Variants in C5orf58 observed in about 807,000 individuals in gnomAD.
C5orf58 encodes the protein putative uncharacterized protein C5orf58.
In C5orf58, 2 loss-of-function variants were observed where a neutral mutation model predicts 2.9. The observed-to-expected ratio is 0.69, with a 90% confidence interval of 0.28 to 2.18. C5orf58 has a LOEUF of 2.18. C5orf58 is among the 30% of genes most tolerant of loss of function. C5orf58 has a pLI of 0.13. For synonymous variants in C5orf58, 37 were observed against 33.4 expected (o/e 1.11, Z -0.37); for missense variants, 96 against 91.7 (o/e 1.05, Z -0.19).
At chr5:170,242,836 C>CTCTT (rs1290295831) in intron 3 of C5orf58, among the ~76,000 whole-genome samples, 1 of 151,490 alleles carries the variant, frequency 6.6e-6, no homozygotes, top group Non-Finnish European at 1.5e-5. Context: ...AACATGTTTG[C>CTCTT]TCTTGCTTTT....
chr5:170,247,756 A>G (rs1317802527), downstream of C5orf58: 1 of 152,196 alleles, frequency 6.6e-6, no homozygotes, highest in Non-Finnish European at 1.5e-5. Flanking sequence ...GCCATATCTA[A>G]TAGGAAAGTC....
At chr5:170,241,687 TG>T (rs1359182169) in intron 3 of C5orf58, among the ~76,000 whole-genome samples, 1 of 147,920 alleles carries the variant, frequency 6.8e-6, no homozygotes, top group Non-Finnish European at 1.5e-5. Flanking sequence ...GCTGAGACGA[TG>T]GGGTTTTCTA....
At chr5:170,236,684 T>C (rs1760755696) in intron 3 of C5orf58, among the ~76,000 whole-genome samples, 1 of 152,208 alleles carries the variant, frequency 6.6e-6, no homozygotes, top group South Asian at 2.1e-4. Context: ...TACTGAACTA[T>C]TTGCATATCT....
In C5orf58 at chr5:170,244,853, G is replaced by A. The variant is rs566298775; in HGVS notation, c.95-1109G>A. Among the ~76,000 whole-genome samples, 341 of 152,212 alleles carry A rather than the reference G, an allele frequency of 2.2e-3. 3 individuals carry two copies. Among genetic ancestry groups the A allele is most frequent in the African/African-American group, 7.6e-3 (317 of 41,496 alleles). Reference sequence around the variant, plus strand: ...TGTGTTCCTTTGGAGGAGGAGAGGCGCTCTGCGTTTTAGAGTTTCCAGTTT... The same window carrying A: ...TGTGTTCCTTTGGAGGAGGAGAGGCACTCTGCGTTTTAGAGTTTCCAGTTT... On this transcript the variant is annotated intron_variant, in intron 3 of 3. Transcript: ENST00000593851.
chr5:170,252,417 A>T (rs1249881105), downstream of C5orf58: 2 of 1,456,340 alleles, frequency 1.4e-6, no homozygotes, highest in Non-Finnish European at 1.9e-6. Flanking sequence ...ATGTTAAAAT[A>T]AACTATAGCA....
At chr5:170,235,816 C>T (rs925126879) in intron 3 of C5orf58, among the ~76,000 whole-genome samples, 1 of 152,024 alleles carries the variant, frequency 6.6e-6, no homozygotes, top group Admixed American at 6.5e-5. Flanking sequence ...GTTATGAGGC[C>T]TACATCTATA....
At chr5:170,248,697 C>G, downstream of C5orf58, 1 of 1,611,844 alleles carries the variant, frequency 6.2e-7, no homozygotes, top group Non-Finnish European at 8.5e-7. Flanking sequence ...CTATAACTTG[C>G]TATGGGTACC....
At chr5:170,234,243 C>G in intron 2 of C5orf58, 45 bp downstream of exon 2, 1 of 1,186,128 alleles carries the variant, frequency 8.4e-7, no homozygotes, top group Non-Finnish European at 1.2e-6. Flanking sequence ...TGACCCATGA[C>G]TGCCCACCTT....
Position 170,246,077 on chromosome 5 carries a change from A to G in C5orf58, c.210A>G (p.Ser70=), listed in dbSNP as rs1161896135. 18 of 1,612,984 alleles carry G rather than the reference A, an allele frequency of 1.1e-5. No individual in the cohort carries two copies. Among genetic ancestry groups the G allele is most frequent in the Non-Finnish European group, 1.4e-5 (17 of 1,179,324 alleles). ...NNPLFEESKI[S]DVSLVSNSFS... is the part of the protein sequence containing the mutation. ...CCCTCTTTGAAGAGTCTAAAATATC[A>G]GATGTATCCCTTGTTTCTAACAGTT... is the stretch of plus-strand genomic sequence containing the variant. Residue 70 remains serine (S), a synonymous_variant, in exon 4 of 4, where the codon TCA becomes TCG. Coordinates refer to ENST00000593851, the MANE Select transcript of C5orf58 (RefSeq NM_001102609.3).
downstream of C5orf58, chr5:170,246,405 T>G (rs1024706158): frequency 4.7e-6 from 1 of 214,032 alleles, no homozygotes; most frequent in Non-Finnish European, 9.4e-6. Flanking sequence ...TGGAATGAGT[T>G]TTTATTAATC....
In C5orf58 at chr5:170,235,019, A is replaced by G; in HGVS notation, c.43A>G (p.Lys15Glu). ...TACTGATCATAAGCTAAATGTGGAC[A>G]AAGTAATTAAAAATATTAACACAAT... ...RVTDHKLNVD[K>E]VIKNINTISS... The change falls in exon 3 of 4, where the codon AAA becomes GAA. Residue 15 changes from lysine (K) to glutamate (E), a missense_variant. Coordinates refer to ENST00000593851, the MANE Select transcript of C5orf58 (RefSeq NM_001102609.3). 1.3e-6 allele frequency: 2 copies of G among 1,551,098 alleles called. No homozygotes were observed. The highest frequency in any genetic ancestry group is 1.8e-6 in the Non-Finnish European group (2 of 1,132,286).
At chr5:170,238,470 G>A (rs1475821920) in intron 3 of C5orf58, among the ~76,000 whole-genome samples, 3 of 152,130 alleles carry the variant, frequency 2.0e-5, no homozygotes, top group African/African-American at 7.2e-5. Context: ...GTAAGTGAAG[G>A]AAGTCCAACA....
chr5:170,241,908 G>C (rs1474276407), intron 3 of C5orf58, among the ~76,000 whole-genome samples: 4 of 151,540 alleles, frequency 2.6e-5, no homozygotes, highest in Admixed American at 2.6e-4. Context: ...GATATTGGCT[G>C]TGGGTTTGTC....
At chr5:170,236,921 G>T (rs1012514920) in intron 3 of C5orf58, among the ~76,000 whole-genome samples, 8 of 152,106 alleles carry the variant, frequency 5.3e-5, no homozygotes, top group African/African-American at 1.2e-4. Context: ...TCAACTGTAA[G>T]CTCCTTATGG....
chr5:170,241,171 T>C (rs1760989272), intron 3 of C5orf58, among the ~76,000 whole-genome samples: 1 of 151,970 alleles, frequency 6.6e-6, no homozygotes, highest in African/African-American at 2.4e-5. Context: ...CTGTTTTGGT[T>C]AGTGTAGCCT....
downstream of C5orf58, chr5:170,250,785 C>T (rs746159185): frequency 4.3e-6 from 7 of 1,612,790 alleles, no homozygotes; most frequent in South Asian, 1.1e-5. Context: ...CTTCTGATAA[C>T]GGATCTGGAT....
intron 3 of C5orf58, 39 bp downstream of exon 3, chr5:170,235,109 TATAAA>T (rs1760689969): frequency 3.7e-6 from 4 of 1,088,164 alleles, no homozygotes; most frequent in African/African-American, 1.6e-5. Context: ...ATGTCATTGT[TATAAA>T]ATAAATGATA....
At chr5:170,250,974 T>C, downstream of C5orf58, 1 of 1,004,908 alleles carries the variant, frequency 1.0e-6, no homozygotes, top group Non-Finnish European at 1.5e-6. Context: ...TCTAGGGATC[T>C]GACAAACATG....
chr5:170,238,942 G>A (rs1184439500), intron 3 of C5orf58, among the ~76,000 whole-genome samples: 1 of 152,178 alleles, frequency 6.6e-6, no homozygotes, highest in African/African-American at 2.4e-5. Flanking sequence ...GGAATCTGGG[G>A]AAAAGGGCAC....
Sources: allele counts gnomAD v4.1 joint callset (sites outside exome capture counted in the v4.1 genomes callset), GRCh38; gene constraint gnomAD v4.1.1; transcripts MANE v1.5; gene names NCBI Gene and HGNC (gene_info 2026-07-23, HGNC 2026-07-21).